The following HOXD10 variants were observed in gnomAD, a reference collection of about 807,000 sequenced individuals.
HOXD10 encodes homeobox D10.
In HOXD10, 15 loss-of-function variants were observed where a neutral mutation model predicts 27.0. That is an observed-to-expected ratio of 0.56 (90% CI 0.37 to 0.85). HOXD10 has a LOEUF of 0.85. Among genes scored for constraint, HOXD10 ranks in the 40% least tolerant of loss-of-function variants. The pLI is 0.00. For missense variants in HOXD10, 440 were observed against 430.4 expected (o/e 1.02, Z -0.20); for synonymous variants, 178 against 160.9 (o/e 1.11, Z -0.80).
Position 176,119,449 on chromosome 2 carries a change from ATATATATATATATAT to A in HOXD10, c.*219_*233del. 1 of 150,490 alleles carries A rather than the reference ATATATATATATATAT, an allele frequency of 6.6e-6. No individual in the cohort carries two copies. The highest frequency in any genetic ancestry group is 2.1e-4 in the South Asian group (1 of 4,682). The allele number at this position is 150,490 out of a possible 1,614,324, so 9.3% of individuals were successfully genotyped here. On this transcript the variant is annotated 3_prime_UTR_variant, in exon 2 of 2. Transcript: ENST00000249501. ...AATCCCTATGAGTATATATATATATATATATATATATATATAAAAACTTAGCACGTGTAATTTATT... is the reference window on the plus strand; with the variant it reads ...AATCCCTATGAGTATATATATATATAAAAAACTTAGCACGTGTAATTTATT...
Position 176,119,411 on chromosome 2 carries a change from G to A in HOXD10, c.*180G>A, listed in dbSNP as rs994202274. On this transcript the variant is annotated 3_prime_UTR_variant, in exon 2 of 2. Transcript: ENST00000249501. ...ACTTTGGGGTCATTATGTTCGTGCTGCAAGTGATCTGTAATCCCTATGAGT... is the reference window on the plus strand; with the variant it reads ...ACTTTGGGGTCATTATGTTCGTGCTACAAGTGATCTGTAATCCCTATGAGT... The A allele has an allele frequency of 6.6e-5, 34 of 514,420 alleles. No individual in the cohort carries two copies. In the Admixed American group the frequency reaches 1.0e-3, roughly 15 times the overall value. The allele number at this position is 514,420 out of a possible 1,614,324, so 31.9% of individuals were successfully genotyped here.
Position 176,116,985 on chromosome 2 carries a change from GTGGACT to G in HOXD10, c.153_158del (p.Cys51_Leu53delinsTrp). On this transcript the variant is annotated inframe_deletion, in exon 1 of 2. Transcript: ENST00000249501. ...ATGGGGACCTATGGAATGCAAACCT[GTGGACT>G]GCTCCCGTCTCTGGCCAAAAGAGAA... 6.2e-7 allele frequency: 1 copy of G among 1,614,176 alleles called. No homozygotes were observed. The highest frequency in any genetic ancestry group is 8.5e-7 in the Non-Finnish European group (1 of 1,180,036).
rs761803636 is a variant in HOXD10, at chr2:176,117,148, C to A, written c.315C>A (p.Thr105=). ...AAGTCCCCACTTGCTCCTTCACCAC[C>A]AACATTAAGGAAGAATCCAATTGCT... The part of the protein sequence containing the change: ...TQQVPTCSFT[T]NIKEESNCCM... The change falls in exon 1 of 2, where the codon ACC becomes ACA. Residue 105 remains threonine (T), a synonymous_variant. Coordinates refer to ENST00000249501, the MANE Select transcript of HOXD10 (RefSeq NM_002148.4). 1 of 1,614,194 alleles carries A rather than the reference C, an allele frequency of 6.2e-7. No homozygotes were observed. Among genetic ancestry groups the A allele is most frequent in the African/African-American group, 1.3e-5 (1 of 75,070 alleles).
In HOXD10 at chr2:176,117,501, G is replaced by A. The variant is rs776070838; in HGVS notation, c.668G>A (p.Gly223Asp). The A allele has an allele frequency of 1.1e-5, 17 of 1,613,036 alleles. No individual in the cohort carries two copies. In the Admixed American group the frequency reaches 2.8e-4, roughly 27 times the overall value. Residue 223 changes from glycine (G) to aspartate (D), a missense_variant, in exon 1 of 2, where the codon GGC becomes GAC. Physicochemically the swap from Gly to Asp is moderately conservative, Grantham distance 94. Coordinates refer to ENST00000249501, the MANE Select transcript of HOXD10 (RefSeq NM_002148.4). Reference protein sequence around the residue: ...VSQVESPEAKGGLPEERSCLA... With the variant: ...VSQVESPEAKDGLPEERSCLA... ...CAGGTGGAGAGCCCCGAGGCCAAAG[G>A]CGGCCTTCCCGAAGAGAGGAGCTGC...
rs763528118 is a variant in HOXD10, at chr2:176,116,867, A to G, written c.34A>G (p.Thr12Ala). 6.2e-7 allele frequency: 1 copy of G among 1,614,050 alleles called. No homozygotes were observed. Among genetic ancestry groups the G allele is most frequent in the South Asian group, 1.1e-5 (1 of 91,078 alleles). Residue 12 changes from threonine (T) to alanine (A), a missense_variant, in exon 1 of 2, where the codon ACT (threonine) becomes GCT (alanine). Transcript: ENST00000249501. The stretch of plus-strand genomic sequence containing the variant: ...TCCCAACAGCTCTCCTGCTGCTAAT[A>G]CTTTTTTAGTAGATTCCTTGATCAG... ...SFPNSSPAANTFLVDSLISAC... is the reference protein window; with the variant it reads ...SFPNSSPAANAFLVDSLISAC...
In HOXD10 at chr2:176,117,050, C is replaced by T. The variant is rs1689768138; in HGVS notation, c.217C>T (p.Pro73Ser). ...CCAAAATATGGGTATGAATGTGCAT[C>T]CTTATATACCTCAAGTAGACAGTTG... ...NHQNMGMNVH[P>S]YIPQVDSWTD... The change falls in exon 1 of 2, where the codon CCT (proline) becomes TCT (serine). Residue 73 changes from proline to serine, a missense_variant. Physicochemically the swap from Pro to Ser is moderately conservative, Grantham distance 74 (BLOSUM62 -1). Transcript: ENST00000249501. The T allele has an allele frequency of 4.3e-6, 7 of 1,614,044 alleles. No individual in the cohort carries two copies. Among genetic ancestry groups the T allele is most frequent in the Admixed American group, 3.3e-5 (2 of 60,012 alleles).
rs1407010258 is a variant in HOXD10, at chr2:176,119,898, G to T, written c.*667G>T. The T allele has an allele frequency of 6.6e-6, 1 of 152,558 alleles. No individual in the cohort carries two copies. Among genetic ancestry groups the T allele is most frequent in the Non-Finnish European group, 1.5e-5 (1 of 68,036 alleles). 9.5% of individuals were successfully genotyped at this position (152,558 alleles called of 1,614,324 possible). ...ACAGCAACCTGTCCTTTCTGTGCAT[G>T]TTCTGGTCGCATGTATAATGCAATA... On this transcript the variant is annotated 3_prime_UTR_variant, in exon 2 of 2. Coordinates refer to ENST00000249501, the MANE Select transcript of HOXD10 (RefSeq NM_002148.4).
chr2:176,119,435 G>GTATATATATATATATATATATATATA lies in HOXD10; in HGVS notation c.*209_*234dup, dbSNP rs6147035. The GTATATATATATATATATATATATATA allele has an allele frequency of 6.2e-5, 11 of 177,788 alleles. No homozygotes were observed. The highest frequency in any genetic ancestry group is 9.4e-5 in the Non-Finnish European group (9 of 95,618). 11.0% of individuals were successfully genotyped at this position (177,788 alleles called of 1,614,324 possible). A position where few individuals can be genotyped will look rare whatever the true frequency, so the allele number is the denominator to read the frequency against. On this transcript the variant is annotated 3_prime_UTR_variant, in exon 2 of 2. Coordinates refer to ENST00000249501, the MANE Select transcript of HOXD10 (RefSeq NM_002148.4). ...TGCAAGTGATCTGTAATCCCTATGAGTATATATATATATATATATATATAT... is the reference window on the plus strand; with the variant it reads ...TGCAAGTGATCTGTAATCCCTATGAGTATATATATATATATATATATATATATATATATATATATATATATATATAT...
rs1296193984 is a variant in HOXD10 at position 176,117,451 on chromosome 2, C to A, written c.618C>A (p.Ser206Arg). Residue 206 changes from serine to arginine, a missense_variant, in exon 1 of 2, where the codon AGC becomes AGA. Coordinates refer to ENST00000249501, the MANE Select transcript of HOXD10 (RefSeq NM_002148.4). ...QMEKKMNEPV[S>R]GQEPTKVSQV... is the part of the protein sequence containing the mutation. ...AAAAGAAGATGAACGAGCCCGTGAGCGGCCAGGAGCCCACCAAAGTCTCCC... is the reference window on the plus strand; with the variant it reads ...AAAAGAAGATGAACGAGCCCGTGAGAGGCCAGGAGCCCACCAAAGTCTCCC... The A allele has an allele frequency of 9.9e-6, 16 of 1,613,002 alleles. No individual in the cohort carries two copies. The highest frequency in any genetic ancestry group is 1.4e-5 in the Non-Finnish European group (16 of 1,179,996).
At chr2:176,117,896 C>A (rs779166049) in intron 1 of HOXD10, among the ~76,000 whole-genome samples, 1 of 152,216 alleles carries the variant, frequency 6.6e-6, no homozygotes, top group African/African-American at 2.4e-5. Flanking sequence ...GACCACAGAG[C>A]CTCTTTTCTC....
At position 176,118,982 on chromosome 2, in the gene HOXD10, C is replaced by A; in HGVS notation, c.774C>A (p.Ser258Arg). 6.2e-7 allele frequency: 1 copy of A among 1,613,556 alleles called. No individual in the cohort carries two copies. Among genetic ancestry groups the A allele is most frequent in the East Asian group, 2.2e-5 (1 of 44,882 alleles). The change falls in exon 2 of 2, where the codon AGC (serine) becomes AGA (arginine). Residue 258 changes from serine (S) to arginine (R), a missense_variant. Ser to Arg is a moderately radical substitution (Grantham distance 110). Coordinates refer to ENST00000249501, the MANE Select transcript of HOXD10 (RefSeq NM_002148.4). ...KEEIKSDTPT[S>R]NWLTAKSGRK... ...AAATCAAGTCTGATACACCAACCAGCAATTGGCTCACTGCAAAGAGTGGCA... is the reference window on the plus strand; with the variant it reads ...AAATCAAGTCTGATACACCAACCAGAAATTGGCTCACTGCAAAGAGTGGCA...
Position 176,117,244 on chromosome 2 carries a change from G to A in HOXD10, c.411G>A (p.Glu137=), listed in dbSNP as rs1333896004. 1.9e-5 allele frequency: 31 copies of A among 1,611,062 alleles called. No homozygotes were observed. Among genetic ancestry groups the A allele is most frequent in the Non-Finnish European group, 2.5e-5 (29 of 1,177,658 alleles). The change falls in exon 1 of 2, where the codon GAG becomes GAA. Residue 137 remains glutamate, a synonymous_variant. Transcript: ENST00000249501. ...CTTCGTACCAGAGGCTGGTCCCTGA[G>A]TCTTGTCCCGTTGAGAACCCTGAGG... ...EVPSYQRLVP[E]SCPVENPEVP...
At chr2:176,117,672 C>T in intron 1 of HOXD10, 94 bp downstream of exon 1, 2 of 1,434,844 alleles carry the variant, frequency 1.4e-6, no homozygotes, top group Non-Finnish European at 1.9e-6. Context: ...GAGCCGGAGC[C>T]CGACTTGGCA....
In HOXD10 at chr2:176,117,521, A is replaced by C. The variant is rs762526013; in HGVS notation, c.688A>C (p.Ser230Arg). Residue 230 changes from serine (S) to arginine (R), a missense_variant, in exon 1 of 2, where the codon AGC (serine) becomes CGC (arginine). Physicochemically the swap from Ser to Arg is moderately radical, Grantham distance 110. Coordinates refer to ENST00000249501, the MANE Select transcript of HOXD10 (RefSeq NM_002148.4). The stretch of plus-strand genomic sequence containing the variant: ...CAAAGGCGGCCTTCCCGAAGAGAGG[A>C]GCTGCCTGGCTGAGGTCTCCGTGTC... ...EAKGGLPEER[S>R]CLAEVSVSSP... is the part of the protein sequence containing the mutation. The C allele has an allele frequency of 1.3e-5, 21 of 1,613,008 alleles. No individual in the cohort carries two copies. The highest frequency in any genetic ancestry group is 1.6e-5 in the Non-Finnish European group (19 of 1,180,036).
In HOXD10 at chr2:176,119,351, T is replaced by A. The variant is rs923376552; in HGVS notation, c.*120T>A. ...AAAACCTTCACCGCTCTTTGTTTGT[T>A]GTTTTGTTGTATTTTGTTTTCCTGC... On this transcript the variant is annotated 3_prime_UTR_variant, in exon 2 of 2. Transcript: ENST00000249501. 2.7e-5 allele frequency: 29 copies of A among 1,089,544 alleles called. No individual in the cohort carries two copies. In the African/African-American group the frequency reaches 4.6e-4, roughly 17 times the overall value. The allele number at this position is 1,089,544 out of a possible 1,614,324, so 67.5% of individuals were successfully genotyped here.
In HOXD10 at chr2:176,119,106, A is replaced by G; in HGVS notation, c.898A>G (p.Ser300Gly). Residue 300 changes from serine (S) to glycine (G), a missense_variant, in exon 2 of 2, where the codon AGT (serine) becomes GGT (glycine). Ser to Gly is a moderately conservative substitution (Grantham distance 56, BLOSUM62 0). Transcript: ENST00000249501. ...CACCCGCGAGCGCCGCCTAGAGATCAGTAAGAGCGTTAACCTCACCGACAG... is the reference window on the plus strand; with the variant it reads ...CACCCGCGAGCGCCGCCTAGAGATCGGTAAGAGCGTTAACCTCACCGACAG... ...YLTRERRLEI[S>G]KSVNLTDRQV... 1 of 1,614,130 alleles carries G rather than the reference A, an allele frequency of 6.2e-7. No homozygotes were observed. The highest frequency in any genetic ancestry group is 8.5e-7 in the Non-Finnish European group (1 of 1,180,030).
At position 176,116,824 on chromosome 2, in the gene HOXD10, C is replaced by T. The variant is rs781377305; in HGVS notation, c.-10C>T. 6.2e-7 allele frequency: 1 copy of T among 1,613,288 alleles called. No homozygotes were observed. The highest frequency in any genetic ancestry group is 2.2e-5 in the East Asian group (1 of 44,878). ...GGACACAATCTCTCTTCTTCAAATT[C>T]TTCCCCAAAATGTCCTTTCCCAACA... On this transcript the variant is annotated 5_prime_UTR_variant, in exon 1 of 2. Coordinates refer to ENST00000249501, the MANE Select transcript of HOXD10 (RefSeq NM_002148.4).
chr2:176,118,938 C>T lies in HOXD10; in HGVS notation c.746-16C>T, dbSNP rs1265290570. 1 of 1,604,026 alleles carries T rather than the reference C, an allele frequency of 6.2e-7. No individual in the cohort carries two copies. The highest frequency in any genetic ancestry group is 8.5e-7 in the Non-Finnish European group (1 of 1,172,180). On this transcript the variant is annotated splice_polypyrimidine_tract_variant and intron_variant, in intron 1 of 1. Transcript: ENST00000249501. ...ACCTCTTGATTTTTTTCTTCTTCTC[C>T]CTTTAATTTTGTTAGAGGAAATCAA... is the stretch of plus-strand genomic sequence containing the variant.
rs189196087 is a variant in HOXD10 at position 176,119,582 on chromosome 2, T to G, written c.*351T>G. On this transcript the variant is annotated 3_prime_UTR_variant, in exon 2 of 2. Coordinates refer to ENST00000249501, the MANE Select transcript of HOXD10 (RefSeq NM_002148.4). ...TGTAGAGCATCCATCCATCCATCCA[T>G]CCAGCAATGTGACTTTTTCATGTCT... The G allele has an allele frequency of 6.5e-6, 1 of 153,238 alleles. No individual in the cohort carries two copies. The highest frequency in any genetic ancestry group is 1.7e-4 in the East Asian group (1 of 5,806). The allele number at this position is 153,238 out of a possible 1,614,324, so 9.5% of individuals were successfully genotyped here.
Sources: gnomAD v4.1 joint callset for allele counts (sites outside exome capture counted in the v4.1 genomes callset) on GRCh38, gnomAD v4.1.1 for gene constraint, MANE v1.5 for transcripts, NCBI Gene and HGNC (gene_info 2026-07-23, HGNC 2026-07-21) for gene names.